PKNOX2: variants seen among roughly 807,000 people sequenced by gnomAD.
The protein encoded by PKNOX2 is PBX/knotted 1 homeobox 2.
A neutral mutation model predicts 53.1 loss-of-function variants in PKNOX2; 14 were observed. The observed-to-expected ratio is 0.26, with a 90% CI of 0.17 to 0.41. The LOEUF is 0.41. PKNOX2 is among the 10% of genes least tolerant of loss of function. The probability of loss-of-function intolerance (pLI) is 1.00; values close to 1 mark genes in which losing one functional copy is unlikely to be tolerated. For synonymous variants in PKNOX2, 257 were observed against 242.8 expected, an observed-to-expected ratio of 1.06 and a Z score of -0.54; for missense variants, 496 against 602.8, an observed-to-expected ratio of 0.82 and a Z score of 1.85.
At chr11:125,403,429 C>T (rs903090422) in intron 7 of PKNOX2, among the ~76,000 whole-genome samples, 5 of 152,154 alleles carry the variant, frequency 3.3e-5, no homozygotes, top group South Asian at 2.1e-4. Flanking sequence ...GGAGGGGAGA[C>T]GGTGAACATT....
chr11:125,425,376 CTCTTTTTCTTTT>C (rs142866568), intron 10 of PKNOX2, among the ~76,000 whole-genome samples: 6 of 152,180 alleles, frequency 3.9e-5, no homozygotes, highest in Admixed American at 6.5e-5. Flanking sequence ...TGTTCTGTAC[CTCTTTTTCTTTT>C]TCTTTTTCTT....
chr11:125,312,614 G>A (rs1039198915), intron 2 of PKNOX2, among the ~76,000 whole-genome samples: 2 of 152,152 alleles, frequency 1.3e-5, no homozygotes, highest in Non-Finnish European at 2.9e-5. Flanking sequence ...CAGACCCACC[G>A]CACCCTGCCT....
intron 1 of PKNOX2, among the ~76,000 whole-genome samples, chr11:125,204,514 A>G (rs585926): frequency 0.48 from 72,906 of 151,972 alleles, 17,955 homozygotes; most frequent in Middle Eastern, 0.55. Flanking sequence ...CAAGCTCCCA[A>G]TTTAATCCCA....
intron 1 of PKNOX2, among the ~76,000 whole-genome samples, chr11:125,200,524 A>C (rs1938314245): frequency 6.6e-6 from 1 of 152,036 alleles, no homozygotes; most frequent in Non-Finnish European, 1.5e-5. Context: ...CTCTCCATGC[A>C]CCATGCCGCC....
intron 1 of PKNOX2, among the ~76,000 whole-genome samples, chr11:125,197,486 T>C (rs79221525): frequency 0.028 from 4,299 of 152,160 alleles, 197 homozygotes; most frequent in African/African-American, 0.098. Context: ...CAGAAACCTA[T>C]TATTCAGCCC....
intron 7 of PKNOX2, among the ~76,000 whole-genome samples, chr11:125,398,689 G>A (rs906864281): frequency 2.9e-4 from 36 of 126,176 alleles, no homozygotes; most frequent in African/African-American, 1.5e-3. Flanking sequence ...CTGACTACAC[G>A]CTTTGGGCAA....
At chr11:125,393,479 C>T (rs1333924007) in intron 6 of PKNOX2, among the ~76,000 whole-genome samples, 1 of 152,122 alleles carries the variant, frequency 6.6e-6, no homozygotes, top group Non-Finnish European at 1.5e-5. Context: ...GGAGAAGATG[C>T]AGCCTGTGTC....
chr11:125,327,019 G>A (rs952732572), intron 2 of PKNOX2, among the ~76,000 whole-genome samples: 14 of 152,222 alleles, frequency 9.2e-5, no homozygotes, highest in Admixed American at 4.6e-4. Context: ...GTGGGCTCCA[G>A]AGTGAGAACA....
At chr11:125,369,240 C>T (rs1226167009) in intron 5 of PKNOX2, among the ~76,000 whole-genome samples, 5 of 152,228 alleles carry the variant, frequency 3.3e-5, no homozygotes, top group African/African-American at 1.2e-4. Flanking sequence ...CTCCCAGGCC[C>T]AGGAGAGGGA....
chr11:125,428,238 C>G (rs909620819), intron 10 of PKNOX2, among the ~76,000 whole-genome samples: 3 of 152,020 alleles, frequency 2.0e-5, no homozygotes, highest in Non-Finnish European at 4.4e-5. Flanking sequence ...AGACACCTGC[C>G]CTGCTCTCTT....
chr11:125,250,880 C>T lies in PKNOX2; in HGVS notation c.-130+15765C>T, dbSNP rs921779048. 3.8e-4 allele frequency among the ~76,000 whole-genome samples: 58 copies of T among 152,374 alleles called. 1 individual carries two copies. Among genetic ancestry groups the T allele is most frequent in the Admixed American group, 5.9e-4 (9 of 15,308 alleles). ...TCCCCACAGCTGCACAACTGGAGATCGGCAGGGCAGAATGGGGCTGGGCCC... is the reference window on the plus strand; with the variant it reads ...TCCCCACAGCTGCACAACTGGAGATTGGCAGGGCAGAATGGGGCTGGGCCC... On this transcript the variant is annotated intron_variant, in intron 2 of 12. Transcript: ENST00000298282.
intron 1 of PKNOX2, among the ~76,000 whole-genome samples, chr11:125,206,078 T>A (rs1939065214): frequency 6.6e-6 from 1 of 151,886 alleles, no homozygotes; most frequent in Non-Finnish European, 1.5e-5. Flanking sequence ...CTCAGCTCAG[T>A]GCATATTTAT....
intron 2 of PKNOX2, among the ~76,000 whole-genome samples, chr11:125,246,662 A>C (rs982441089): frequency 6.6e-6 from 1 of 152,206 alleles, no homozygotes; most frequent in African/African-American, 2.4e-5. Flanking sequence ...TCTATTAAAG[A>C]ATAATAATGA....
intron 4 of PKNOX2, among the ~76,000 whole-genome samples, chr11:125,355,341 G>T (rs73027806): frequency 1.3e-3 from 204 of 151,574 alleles, no homozygotes; most frequent in Non-Finnish European, 2.4e-3. Context: ...CCCTCCCTGT[G>T]ACCTACTTCC....
chr11:125,288,353 A>G (rs1250916638), intron 2 of PKNOX2, among the ~76,000 whole-genome samples: 3 of 152,124 alleles, frequency 2.0e-5, no homozygotes, highest in African/African-American at 7.2e-5. Context: ...GGGTCCAGGC[A>G]TTTTCTTTTA....
chr11:125,421,321 A>T (rs750939910), intron 10 of PKNOX2, among the ~76,000 whole-genome samples: 2 of 152,204 alleles, frequency 1.3e-5, no homozygotes, highest in African/African-American at 4.8e-5. Flanking sequence ...GGCAGGCAGG[A>T]TGGGGAGATG....
At chr11:125,361,043 C>T (rs1488922858) in intron 4 of PKNOX2, among the ~76,000 whole-genome samples, 1 of 152,196 alleles carries the variant, frequency 6.6e-6, no homozygotes, top group Non-Finnish European at 1.5e-5. Flanking sequence ...GAACTGTAGA[C>T]TTCTCTTTTG....
chr11:125,284,245 C>A (rs896486266), intron 2 of PKNOX2, among the ~76,000 whole-genome samples: 2 of 152,196 alleles, frequency 1.3e-5, no homozygotes, highest in Non-Finnish European at 2.9e-5. Context: ...CTAGTCTCTG[C>A]GGCAAGTACT....
intron 1 of PKNOX2, among the ~76,000 whole-genome samples, chr11:125,221,220 G>A (rs146009796): frequency 2.0e-5 from 3 of 152,288 alleles, no homozygotes; most frequent in Non-Finnish European, 2.9e-5. Context: ...AGTGGACTCT[G>A]GGGCTGTGAG....
Sources: gnomAD v4.1 joint callset for allele counts (sites outside exome capture counted in the v4.1 genomes callset) on GRCh38, gnomAD v4.1.1 for gene constraint, MANE v1.5 for transcripts, NCBI Gene and HGNC (gene_info 2026-07-23, HGNC 2026-07-21) for gene names.